JADE2: variants seen among roughly 807,000 people sequenced by gnomAD.
The protein encoded by JADE2 is jade family PHD finger 2.
A neutral mutation model predicts 85.7 loss-of-function variants in JADE2; 13 were observed. The ratio of observed to expected loss-of-function variants is 0.15; its 90% confidence interval spans 0.10 to 0.24. The LOEUF is 0.24. Among genes scored for constraint, JADE2 ranks in the 10% least tolerant of loss-of-function variants. JADE2 has a pLI of 1.00. For synonymous variants in JADE2, 440 were observed against 456.1 expected, an observed-to-expected ratio of 0.96 and a Z score of 0.45; for missense variants, 846 against 1,115.9, an observed-to-expected ratio of 0.76 and a Z score of 3.45.
chr5:134,546,230 A>C (rs1762287688), intron 3 of JADE2, among the ~76,000 whole-genome samples: 1 of 152,018 alleles, frequency 6.6e-6, no homozygotes, highest in Non-Finnish European at 1.5e-5. Context: ...GTGCAGTGGC[A>C]TGATCTCAGC....
intron 1 of JADE2, among the ~76,000 whole-genome samples, chr5:134,530,899 G>A (rs904948535): frequency 2.0e-5 from 3 of 152,310 alleles, no homozygotes; most frequent in African/African-American, 7.2e-5. Context: ...CACTTCTTGG[G>A]GGAGGGAGCG....
In JADE2 at chr5:134,566,789, A is replaced by C. The variant is rs1337109326; in HGVS notation, c.1434+209A>C. 6.6e-6 allele frequency among the ~76,000 whole-genome samples: 1 copy of C among 152,160 alleles called. No homozygotes were observed. Among genetic ancestry groups the C allele is most frequent in the Non-Finnish European group, 1.5e-5 (1 of 68,032 alleles). ...GTGACTGACACTTTACAGAACAGAG[A>C]AGAGTCCAGTTCTTGAGTCTCCGAG... On this transcript the variant is annotated intron_variant, in intron 9 of 11. Coordinates refer to ENST00000681547, the MANE Select transcript of JADE2 (RefSeq NM_001388185.1). The surrounding 1 kb of genome is among the most constrained non-coding windows in gnomAD (Gnocchi z 6.7).
At chr5:134,564,694 C>T (rs564149779) in intron 8 of JADE2, 84 bp downstream of exon 8, 7 of 853,642 alleles carry the variant, frequency 8.2e-6, no homozygotes, top group South Asian at 7.0e-5. Flanking sequence ...CCACCACCTT[C>T]TCCCCTCCAT....
chr5:134,564,648 G>A, intron 8 of JADE2, 38 bp downstream of exon 8: 1 of 1,358,770 alleles, frequency 7.4e-7, no homozygotes, highest in Non-Finnish European at 1.0e-6. Flanking sequence ...CCAGGAGCTG[G>A]CTGAGAGGCA....
At position 134,578,251 on chromosome 5, in the gene JADE2, C is replaced by T. The variant is rs984521069; in HGVS notation, c.1682-243C>T. Among the ~76,000 whole-genome samples, 7 of 152,200 alleles carry T rather than the reference C, an allele frequency of 4.6e-5. No homozygotes were observed. The East Asian group carries it at 5.8e-4, about 13-fold the overall frequency. On this transcript the variant is annotated intron_variant, in intron 11 of 11. Coordinates refer to ENST00000681547, the MANE Select transcript of JADE2 (RefSeq NM_001388185.1). This position sits in a 1 kb window ranked among gnomAD's most constrained non-coding sequence, Gnocchi z 4.4. ...CCTATATTTTCATTTTACACTCTAG[C>T]CCACAAATTATGAAGCCCATCTTGA... is the stretch of plus-strand genomic sequence containing the variant.
chr5:134,569,465 G>C (rs1405315686), intron 9 of JADE2, among the ~76,000 whole-genome samples: 1 of 152,238 alleles, frequency 6.6e-6, no homozygotes, highest in Non-Finnish European at 1.5e-5. Flanking sequence ...CGCTCGGAAG[G>C]CATGGCCACT....
At chr5:134,526,284 A>C in intron 1 of JADE2, 1 of 985,298 alleles carries the variant, frequency 1.0e-6, no homozygotes, top group Non-Finnish European at 1.2e-6. Context: ...AACTTTTGGA[A>C]GGGTGAGCTT....
In JADE2 at chr5:134,552,987, C is replaced by CTTTTT. The variant is rs34182692; in HGVS notation, c.311+798_311+802dup. ...CCAGCCGTAAGCCTCTGGGCCTGGC[C>CTTTTT]TTTTTTTTTTTTTTTTTTTTTTTTC... On this transcript the variant is annotated intron_variant, in intron 4 of 11. Coordinates refer to ENST00000681547, the MANE Select transcript of JADE2 (RefSeq NM_001388185.1). Among the ~76,000 whole-genome samples, 182 of 62,370 alleles carry CTTTTT rather than the reference C, an allele frequency of 2.9e-3. 3 individuals carry two copies. Among genetic ancestry groups the CTTTTT allele is most frequent in the East Asian group, 3.8e-3 (7 of 1,856 alleles). The allele number at this position is 62,370 out of a possible 152,430, so 40.9% of individuals were successfully genotyped here.
intron 2 of JADE2, among the ~76,000 whole-genome samples, chr5:134,537,556 T>C (rs1182901442): frequency 2.0e-5 from 3 of 152,250 alleles, no homozygotes; most frequent in African/African-American, 7.2e-5. Context: ...GACCTGGATC[T>C]GCTTCAGAGC....
At chr5:134,534,136 A>G (rs2149868188) in intron 1 of JADE2, among the ~76,000 whole-genome samples, 1 of 152,284 alleles carries the variant, frequency 6.6e-6, no homozygotes, top group African/African-American at 2.4e-5. Flanking sequence ...GGTCAAGAGC[A>G]CGGTCTCCTG....
chr5:134,532,361 TTGG>T (rs1006271341), intron 1 of JADE2, among the ~76,000 whole-genome samples: 6 of 152,052 alleles, frequency 3.9e-5, no homozygotes, highest in African/African-American at 1.2e-4. Flanking sequence ...CCTAGTGGAC[TTGG>T]TGGGGCCGAG....
chr5:134,577,084 G>A lies in JADE2; in HGVS notation c.1681+188G>A, dbSNP rs905132165. On this transcript the variant is annotated intron_variant, in intron 11 of 11. Transcript: ENST00000681547. ...CAAAGGAGACAGATCTCAGAGCCCC[G>A]TGTGACATCCTGGGAAATGCCCCGT... is the stretch of plus-strand genomic sequence containing the variant. 19 of 626,904 alleles carry A rather than the reference G, an allele frequency of 3.0e-5. No individual in the cohort carries two copies. The East Asian group carries it at 4.8e-4, about 16-fold the overall frequency. 38.8% of individuals were successfully genotyped at this position (626,904 alleles called of 1,614,324 possible).
intron 3 of JADE2, among the ~76,000 whole-genome samples, chr5:134,544,993 G>T (rs974842975): frequency 2.0e-5 from 3 of 152,250 alleles, no homozygotes; most frequent in African/African-American, 7.2e-5. Flanking sequence ...TTATCCAGAT[G>T]TTTGAAATGC....
intron 3 of JADE2, 108 bp downstream of exon 3, chr5:134,538,191 G>A (rs1761724757): frequency 2.5e-6 from 2 of 804,646 alleles, no homozygotes; most frequent in Admixed American, 2.3e-5. Context: ...TGCAGAGGGA[G>A]GCCAGCGTGG....
Position 134,578,501 on chromosome 5 carries a change from G to A in JADE2, c.1689G>A (p.Leu563=), listed in dbSNP as rs750185163. The part of the protein sequence containing the change: ...PDSVLGQLAG[L]STSFPIDGTF... ...CCTCCTCTCTCCCCTCAGCAGGCCT[G>A]TCCACCTCATTCCCCATCGATGGCA... The change falls in exon 12 of 12, where the codon CTG becomes CTA. Residue 563 remains leucine, a synonymous_variant. Transcript: ENST00000681547. This position sits in a 1 kb window ranked among gnomAD's most constrained non-coding sequence, Gnocchi z 4.4. 3 of 1,580,880 alleles carry A rather than the reference G, an allele frequency of 1.9e-6. No homozygotes were observed. Among genetic ancestry groups the A allele is most frequent in the African/African-American group, 2.7e-5 (2 of 74,648 alleles).
At chr5:134,552,547 A>G (rs1396754710) in intron 4 of JADE2, among the ~76,000 whole-genome samples, 5 of 152,144 alleles carry the variant, frequency 3.3e-5, no homozygotes, top group African/African-American at 9.7e-5. Context: ...TAACCTACTC[A>G]TGCAGTTGTA....
At chr5:134,545,489 A>G (rs900754018) in intron 3 of JADE2, among the ~76,000 whole-genome samples, 1 of 151,792 alleles carries the variant, frequency 6.6e-6, no homozygotes, top group Non-Finnish European at 1.5e-5. Context: ...AGCTATTCTC[A>G]TAGCCCTTCT....
At chr5:134,568,941 AGCCTGG>A (rs1581471612) in intron 9 of JADE2, among the ~76,000 whole-genome samples, 1 of 152,230 alleles carries the variant, frequency 6.6e-6, no homozygotes, top group East Asian at 1.9e-4. Flanking sequence ...GCACTAAGCC[AGCCTGG>A]GCAGGAATCA....
chr5:134,536,015 A>C, intron 2 of JADE2, 100 bp downstream of exon 2: 5 of 963,054 alleles, frequency 5.2e-6, no homozygotes, highest in Non-Finnish European at 8.3e-6. Flanking sequence ...TCTTAATTTC[A>C]CTAAGAGGCA....
Sources: allele counts gnomAD v4.1 joint callset (sites outside exome capture counted in the v4.1 genomes callset), GRCh38; gene constraint gnomAD v4.1.1; non-coding constraint Gnocchi (gnomAD v3.1); transcripts MANE v1.5; gene names NCBI Gene and HGNC (gene_info 2026-07-23, HGNC 2026-07-21).